Variants in FNBP1L observed in about 807,000 individuals in gnomAD.
FNBP1L encodes the protein formin-binding protein 1-like.
Under a neutral mutation model 91.2 loss-of-function variants are expected in FNBP1L, and 36 were observed. The observed-to-expected ratio is 0.39, with a 90% CI of 0.30 to 0.52. The LOEUF is 0.52. Ranked by LOEUF, FNBP1L falls within the 20% of genes least tolerant of loss-of-function variation. The probability of loss-of-function intolerance (pLI) is 0.66; values close to 1 mark genes in which losing one functional copy is unlikely to be tolerated. For missense variants in FNBP1L, 571 were observed against 732.1 expected, an observed-to-expected ratio of 0.78 and a Z score of 2.54; for synonymous variants, 242 against 237.0, an observed-to-expected ratio of 1.02 and a Z score of -0.19.
At chr1:93,449,431 C>G (rs1668408474) in intron 1 of FNBP1L, among the ~76,000 whole-genome samples, 1 of 152,134 alleles carries the variant, frequency 6.6e-6, no homozygotes, top group Non-Finnish European at 1.5e-5. Flanking sequence ...GAAATCACTG[C>G]AGAGAAAGGG....
At chr1:93,537,036 T>C (rs1252869727) in intron 10 of FNBP1L, among the ~76,000 whole-genome samples, 1 of 152,030 alleles carries the variant, frequency 6.6e-6, no homozygotes, top group African/African-American at 2.4e-5. Context: ...AGATTGTAAA[T>C]TGTAAAGCCT....
intron 10 of FNBP1L, among the ~76,000 whole-genome samples, chr1:93,537,970 G>A (rs1671900463): frequency 6.6e-6 from 1 of 152,042 alleles, no homozygotes; most frequent in South Asian, 2.1e-4. Context: ...TGGGATTACA[G>A]GCATGAACCA....
Position 93,546,867 on chromosome 1 carries a change from G to A in FNBP1L, c.1300G>A (p.Val434Ile). The A allele has an allele frequency of 6.2e-7, 1 of 1,612,784 alleles. No individual in the cohort carries two copies. The highest frequency in any genetic ancestry group is 8.5e-7 in the Non-Finnish European group (1 of 1,179,300). ...QKDALNKMKD[V>I]YEKNPQMGDP... ...AGATGCACTCAACAAAATGAAAGAT[G>A]TATATGAGAAGAATCCACAAATGGG... The change falls in exon 13 of 17, where the codon GTA (valine) becomes ATA (isoleucine). Residue 434 changes from valine to isoleucine, a missense_variant. Physicochemically the swap from Val to Ile is conservative, Grantham distance 29. Coordinates refer to ENST00000271234, the MANE Select transcript of FNBP1L (RefSeq NM_001164473.3).
At chr1:93,486,543 G>A (rs1669913701) in intron 1 of FNBP1L, among the ~76,000 whole-genome samples, 1 of 151,962 alleles carries the variant, frequency 6.6e-6, no homozygotes, top group African/African-American at 2.4e-5. Flanking sequence ...CAGCATAGGT[G>A]TTCTCATTTG....
intron 1 of FNBP1L, chr1:93,488,267 G>A (rs1202108046): frequency 2.0e-5 from 3 of 152,144 alleles, no homozygotes; most frequent in Non-Finnish European, 4.4e-5. Context: ...TTCGGGGTGT[G>A]TGTGTGTATG....
At chr1:93,518,921 A>G (rs563548767) in intron 2 of FNBP1L, among the ~76,000 whole-genome samples, 4 of 152,310 alleles carry the variant, frequency 2.6e-5, no homozygotes, top group African/African-American at 4.8e-5. Context: ...GAATTTGCCT[A>G]TTCTAGTGAA....
intron 10 of FNBP1L, among the ~76,000 whole-genome samples, chr1:93,540,646 G>T (rs540824248): frequency 1.3e-5 from 2 of 152,044 alleles, no homozygotes; most frequent in South Asian, 4.2e-4. Flanking sequence ...TTTCACATAA[G>T]ATTTCTTTTT....
chr1:93,540,597 T>G (rs969100678), intron 10 of FNBP1L, among the ~76,000 whole-genome samples: 5 of 152,146 alleles, frequency 3.3e-5, no homozygotes, highest in Non-Finnish European at 7.4e-5. Flanking sequence ...TAATAGTGTT[T>G]TCTTTAACAC....
At chr1:93,551,535 C>T in intron 16 of FNBP1L, 1 of 985,816 alleles carries the variant, frequency 1.0e-6, no homozygotes, top group Non-Finnish European at 1.2e-6. Context: ...AAGCCGACTC[C>T]CCAAAGAGTG....
chr1:93,483,190 GAAAAA>G (rs76428254), intron 1 of FNBP1L, among the ~76,000 whole-genome samples: 4 of 80,832 alleles, frequency 4.9e-5, no homozygotes, highest in South Asian at 9.3e-4. Flanking sequence ...ACCCTGTCTC[GAAAAA>G]AAAAAAAAAA....
chr1:93,536,236 A>G, intron 9 of FNBP1L, 96 bp from the exon 10 acceptor site: 1 of 839,570 alleles, frequency 1.2e-6, no homozygotes, highest in Non-Finnish European at 1.6e-6. Context: ...TTTGAGATAT[A>G]TTTTGTGAAA....
intron 2 of FNBP1L, among the ~76,000 whole-genome samples, chr1:93,501,946 G>GA (rs898462559): frequency 1.2e-4 from 18 of 144,758 alleles, no homozygotes; most frequent in East Asian, 2.0e-4. Context: ...TTCATTGCAG[G>GA]AAAAAAAAAA....
At chr1:93,489,130 A>G (rs931836512) in intron 1 of FNBP1L, among the ~76,000 whole-genome samples, 1 of 152,210 alleles carries the variant, frequency 6.6e-6, no homozygotes, top group Non-Finnish European at 1.5e-5. Flanking sequence ...TTTCTTCAGC[A>G]GCATGAGGAA....
chr1:93,490,576 AAG>A (rs930604154), intron 1 of FNBP1L, among the ~76,000 whole-genome samples: 1 of 152,204 alleles, frequency 6.6e-6, no homozygotes, highest in Non-Finnish European at 1.5e-5. Flanking sequence ...GGAAATGAGG[AAG>A]TTGAACTCTG....
intron 2 of FNBP1L, among the ~76,000 whole-genome samples, chr1:93,520,201 C>CT (rs750685081): frequency 5.3e-5 from 8 of 152,050 alleles, no homozygotes; most frequent in Non-Finnish European, 1.0e-4. Flanking sequence ...TATGATGCTC[C>CT]TAGTAGTTTG....
chr1:93,508,330 C>T (rs914378080), intron 2 of FNBP1L, among the ~76,000 whole-genome samples: 2 of 152,132 alleles, frequency 1.3e-5, no homozygotes, highest in Non-Finnish European at 2.9e-5. Flanking sequence ...GCCTGGGTGA[C>T]AGAGTGAGAC....
At chr1:93,455,945 T>C (rs1420514919) in intron 1 of FNBP1L, among the ~76,000 whole-genome samples, 1 of 152,248 alleles carries the variant, frequency 6.6e-6, no homozygotes, top group African/African-American at 2.4e-5. Context: ...ACCTCTTTTA[T>C]ACTATAGGGG....
intron 9 of FNBP1L, 62 bp downstream of exon 9, chr1:93,534,970 G>T: frequency 1.5e-6 from 2 of 1,302,600 alleles, no homozygotes; most frequent in Non-Finnish European, 2.1e-6. Flanking sequence ...AACAATGTGG[G>T]TATTGAATGC....
intron 14 of FNBP1L, among the ~76,000 whole-genome samples, chr1:93,548,230 A>T (rs2101775616): frequency 1.3e-5 from 2 of 152,242 alleles, no homozygotes; most frequent in Middle Eastern, 3.4e-3. Context: ...ATTAGGTAAA[A>T]CTCAGATTAA....
Sources: gnomAD v4.1 joint callset for allele counts (sites outside exome capture counted in the v4.1 genomes callset) on GRCh38, gnomAD v4.1.1 for gene constraint, MANE v1.5 for transcripts, NCBI Gene and HGNC (gene_info 2026-07-23, HGNC 2026-07-21) for gene names.